PATJ: variants seen among roughly 807,000 people sequenced by gnomAD.
PATJ encodes inaD-like protein.
In PATJ, 190 loss-of-function variants were observed where a neutral mutation model predicts 224.9. That is an observed-to-expected ratio of 0.84 (90% confidence interval 0.75 to 0.95). The LOEUF is 0.95. Among genes scored for constraint, PATJ ranks in the 40% least tolerant of loss-of-function variants. The pLI is 0.00. For synonymous variants in PATJ, 769 were observed against 820.3 expected (o/e 0.94, Z 1.07); for missense variants, 2,121 against 2,270.3 (o/e 0.93, Z 1.34).
At chr1:61,766,753 G>A (rs1467757450) in intron 4 of PATJ, among the ~76,000 whole-genome samples, 1 of 152,092 alleles carries the variant, frequency 6.6e-6, no homozygotes, top group Non-Finnish European at 1.5e-5. Context: ...TTGCTAAGGA[G>A]AGTTTTTAGA....
At chr1:61,880,767 C>T (rs759822461) in intron 21 of PATJ, among the ~76,000 whole-genome samples, 2 of 152,106 alleles carry the variant, frequency 1.3e-5, no homozygotes, top group African/African-American at 2.4e-5. Context: ...TTTTTTCTTC[C>T]AAGAACACAG....
intron 28 of PATJ, among the ~76,000 whole-genome samples, chr1:61,994,003 A>C (rs1400406262): frequency 6.6e-6 from 1 of 152,220 alleles, no homozygotes; most frequent in East Asian, 1.9e-4. Context: ...AAAAGATTAA[A>C]CATACCAATA....
At chr1:62,014,519 G>T (rs1219838630) in intron 28 of PATJ, among the ~76,000 whole-genome samples, 1 of 146,146 alleles carries the variant, frequency 6.8e-6, no homozygotes, top group African/African-American at 2.5e-5. Flanking sequence ...ATGTCATTAA[G>T]TATGCTTTTT....
intron 14 of PATJ, among the ~76,000 whole-genome samples, chr1:61,809,548 C>T (rs1446130099): frequency 2.6e-5 from 4 of 151,802 alleles, no homozygotes; most frequent in South Asian, 2.1e-4. Flanking sequence ...CCACCATGCC[C>T]GGCTAATTTT....
chr1:61,963,524 A>G (rs1681623626), intron 27 of PATJ, among the ~76,000 whole-genome samples: 1 of 152,118 alleles, frequency 6.6e-6, no homozygotes, highest in South Asian at 2.1e-4. Context: ...AGAACCCAGG[A>G]GGCAGAGGTT....
chr1:62,101,037 C>G (rs1442544272), intron 33 of PATJ, among the ~76,000 whole-genome samples: 1 of 152,042 alleles, frequency 6.6e-6, no homozygotes, highest in Non-Finnish European at 1.5e-5. Context: ...GTAGCCTATA[C>G]TTCAAATATA....
chr1:61,827,129 C>T (rs971296200), intron 15 of PATJ, among the ~76,000 whole-genome samples: 2 of 152,000 alleles, frequency 1.3e-5, no homozygotes, highest in African/African-American at 4.8e-5. Flanking sequence ...CACAGTGCTG[C>T]AAAAAATTTG....
intron 14 of PATJ, among the ~76,000 whole-genome samples, chr1:61,822,347 G>T (rs1376994581): frequency 6.6e-6 from 1 of 151,788 alleles, no homozygotes; most frequent in South Asian, 2.1e-4. Flanking sequence ...GCTTGAACCC[G>T]GGAGGTGAAG....
In PATJ at chr1:62,099,347, C is replaced by CTTTT. The variant is rs71050197; in HGVS notation, c.4378-9063_4378-9060dup. The stretch of plus-strand genomic sequence containing the variant: ...ATTTTTTTGTATACAATATCTCCAA[C>CTTTT]TTTTTTTTTTTTTTTTTTTTTTTTT... On this transcript the variant is annotated intron_variant, in intron 33 of 43. Coordinates refer to ENST00000642238, the MANE Select transcript of PATJ (RefSeq NM_001350145.3). Among the ~76,000 whole-genome samples, 28 of 55,672 alleles carry CTTTT rather than the reference C, an allele frequency of 5.0e-4. 4 individuals carry two copies. The highest frequency in any genetic ancestry group is 1.9e-3 in the African/African-American group (25 of 12,840). 36.5% of individuals were successfully genotyped at this position (55,672 alleles called of 152,430 possible).
chr1:61,771,666 T>C (rs369822832), intron 6 of PATJ, 40 bp downstream of exon 6: 26 of 1,396,180 alleles, frequency 1.9e-5, no homozygotes, highest in African/African-American at 1.8e-4. Flanking sequence ...TTTTGAATAA[T>C]GCCATTGATC....
intron 1 of PATJ, among the ~76,000 whole-genome samples, chr1:61,758,828 A>G (rs1446426153): frequency 1.3e-5 from 2 of 151,898 alleles, no homozygotes; most frequent in African/African-American, 2.4e-5. Context: ...TGGCATAATC[A>G]TAGCTCACTA....
intron 22 of PATJ, among the ~76,000 whole-genome samples, chr1:61,897,753 G>T (rs1433827834): frequency 6.6e-6 from 1 of 152,034 alleles, no homozygotes; most frequent in African/African-American, 2.4e-5. Context: ...TTTTTTCAAA[G>T]CTGGGCATAG....
At position 61,827,475 on chromosome 1, in the gene PATJ, TA is replaced by T; in HGVS notation, c.1875del (p.Glu626LysfsTer21). The T allele has an allele frequency of 6.2e-7, 1 of 1,614,124 alleles. No individual in the cohort carries two copies. Among genetic ancestry groups the T allele is most frequent in the Non-Finnish European group, 8.5e-7 (1 of 1,179,998 alleles). On this transcript the variant is annotated frameshift_variant, in exon 16 of 44. Coordinates refer to ENST00000642238, the MANE Select transcript of PATJ (RefSeq NM_001350145.3). LOFTEE classifies it high-confidence loss of function. ...KSRREAVSFL[K>X]EVPPPFTLVC... ...CTCGCCGAGAAGCAGTCTCCTTTCTTAAAGAAGTGCCACCCCCTTTTACTTT... is the reference window on the plus strand; with the variant it reads ...CTCGCCGAGAAGCAGTCTCCTTTCTTAAGAAGTGCCACCCCCTTTTACTTT...
intron 30 of PATJ, among the ~76,000 whole-genome samples, chr1:62,039,735 A>T (rs1651103857): frequency 6.6e-6 from 1 of 152,068 alleles, no homozygotes; most frequent in Admixed American, 6.5e-5. Flanking sequence ...TTTAAGGGTA[A>T]CTGCTTCGCT....
chr1:61,766,555 T>C (rs1646283360), intron 4 of PATJ, 82 bp downstream of exon 4: 1 of 969,758 alleles, frequency 1.0e-6, no homozygotes, highest in African/African-American at 1.7e-5. Flanking sequence ...CTCATTCTTT[T>C]TGCTGTAAAA....
chr1:62,075,945 A>G (rs1350951950), intron 31 of PATJ, among the ~76,000 whole-genome samples: 5 of 151,826 alleles, frequency 3.3e-5, no homozygotes, highest in African/African-American at 4.8e-5. Context: ...AAAGAAAAAC[A>G]CTGACAAGTA....
At chr1:62,043,134 G>C (rs1651836646) in intron 30 of PATJ, among the ~76,000 whole-genome samples, 1 of 152,160 alleles carries the variant, frequency 6.6e-6, no homozygotes, top group Non-Finnish European at 1.5e-5. Context: ...CCTTGGTAGA[G>C]GCAGTTAACC....
intron 11 of PATJ, among the ~76,000 whole-genome samples, chr1:61,800,173 G>A (rs1035501848): frequency 3.3e-5 from 5 of 152,182 alleles, no homozygotes; most frequent in African/African-American, 1.2e-4. Context: ...TCTCCATACT[G>A]TTTTCCACAT....
chr1:62,051,566 A>T (rs1395440435), intron 31 of PATJ, among the ~76,000 whole-genome samples: 1 of 152,114 alleles, frequency 6.6e-6, no homozygotes, highest in Non-Finnish European at 1.5e-5. Flanking sequence ...ACCTCAGATG[A>T]TCCATCCGCC....
Sources: allele counts gnomAD v4.1 joint callset (sites outside exome capture counted in the v4.1 genomes callset), GRCh38; gene constraint gnomAD v4.1.1; transcripts MANE v1.5; gene names NCBI Gene and HGNC (gene_info 2026-07-23, HGNC 2026-07-21).